The following SGCG variants were observed in gnomAD, a reference collection of about 807,000 sequenced individuals.
SGCG encodes sarcoglycan gamma.
A neutral mutation model predicts 29.3 loss-of-function variants in SGCG; 26 were observed. That is an observed-to-expected ratio of 0.89 (90% confidence interval 0.65 to 1.23). The LOEUF (loss-of-function observed/expected upper bound fraction) is 1.23. Among genes scored for constraint, SGCG ranks in the 50% most tolerant of loss-of-function variants. The pLI, the probability that SGCG is intolerant of heterozygous loss-of-function variation, is 0.00. For synonymous variants in SGCG, 145 were observed against 129.7 expected (o/e 1.12, Z -0.80); for missense variants, 353 against 356.0 (o/e 0.99, Z 0.07).
At chr13:23,287,879 C>A (rs574853528) in intron 5 of SGCG, among the ~76,000 whole-genome samples, 2 of 152,128 alleles carry the variant, frequency 1.3e-5, no homozygotes, top group East Asian at 3.9e-4. Flanking sequence ...CTCATCCTCC[C>A]GAGTAGCTGA....
Position 23,284,003 on chromosome 13 carries a change from G to A in SGCG, c.505+4525G>A, listed in dbSNP as rs184143686. Among the ~76,000 whole-genome samples, 87 of 152,286 alleles carry A rather than the reference G, an allele frequency of 5.7e-4. 1 individual carries two copies. Among genetic ancestry groups the A allele is most frequent in the Non-Finnish European group, 7.6e-4 (52 of 68,014 alleles). On this transcript the variant is annotated intron_variant, in intron 5 of 7. Transcript: ENST00000218867. ...TTAGTCTGATGGGCTTCCCTTTATAGGTAACCCGACCTTTCTCTCTGGCTG... is the reference window on the plus strand; with the variant it reads ...TTAGTCTGATGGGCTTCCCTTTATAAGTAACCCGACCTTTCTCTCTGGCTG...
chr13:23,306,701 C>G (rs1243644582), intron 6 of SGCG, among the ~76,000 whole-genome samples: 1 of 152,060 alleles, frequency 6.6e-6, no homozygotes, highest in African/African-American at 2.4e-5. Context: ...CAATTTATTC[C>G]TTCTGGTAAC....
At chr13:23,224,396 C>G (rs991233534) in intron 2 of SGCG, among the ~76,000 whole-genome samples, 1 of 152,128 alleles carries the variant, frequency 6.6e-6, no homozygotes, top group Non-Finnish European at 1.5e-5. Flanking sequence ...ATGAATGCCT[C>G]CAGATGGGGA....
At chr13:23,244,174 A>C (rs1340592518) in intron 3 of SGCG, 1 of 152,214 alleles carries the variant, frequency 6.6e-6, no homozygotes, top group East Asian at 1.9e-4. Flanking sequence ...ATCTTCTCTA[A>C]AACAACACCA....
chr13:23,208,245 A>G (rs1267125369), intron 2 of SGCG, among the ~76,000 whole-genome samples: 1 of 152,150 alleles, frequency 6.6e-6, no homozygotes, highest in African/African-American at 2.4e-5. Flanking sequence ...TTTTCAAATT[A>G]ACAAAGTTTG....
At chr13:23,259,094 AT>A (rs1156370033) in intron 4 of SGCG, among the ~76,000 whole-genome samples, 1 of 152,108 alleles carries the variant, frequency 6.6e-6, no homozygotes, top group Non-Finnish European at 1.5e-5. Flanking sequence ...TTATCTATTG[AT>A]TGGAATAGTT....
At chr13:23,192,899 T>G (rs931107499) in intron 1 of SGCG, among the ~76,000 whole-genome samples, 9 of 152,208 alleles carry the variant, frequency 5.9e-5, no homozygotes, top group African/African-American at 2.2e-4. Context: ...GACCCTACTT[T>G]AGGTGCCAGT....
Position 23,250,735 on chromosome 13 carries a change from A to AT in SGCG, c.385+19dup. The AT allele has an allele frequency of 6.8e-7, 1 of 1,469,168 alleles. No homozygotes were observed. The highest frequency in any genetic ancestry group is 2.3e-5 in the East Asian group (1 of 44,240). The allele number at this position is 1,469,168 out of a possible 1,614,324, so 91.0% of individuals were successfully genotyped here. A position where few individuals can be genotyped will look rare whatever the true frequency, so the allele number is the denominator to read the frequency against. On this transcript the variant is annotated intron_variant, in intron 4 of 7. Transcript: ENST00000218867. ...AAAAGTCGGTGAGTCCAGCTTCATC[A>AT]TGGTGCTTTGCATGCATGTTGTCCA...
At chr13:23,290,580 T>A (rs1593091703) in intron 5 of SGCG, among the ~76,000 whole-genome samples, 2 of 152,136 alleles carry the variant, frequency 1.3e-5, no homozygotes, top group Admixed American at 6.6e-5. Flanking sequence ...AAAGGCAGGT[T>A]GAAGTGGTTA....
intron 6 of SGCG, 79 bp downstream of exon 6, chr13:23,295,566 A>T: frequency 1.0e-6 from 1 of 952,474 alleles, no homozygotes; most frequent in African/African-American, 1.6e-5. Context: ...GTTAGCAGTG[A>T]CTACTTCCTG....
At chr13:23,188,174 T>C (rs952055333) in intron 1 of SGCG, among the ~76,000 whole-genome samples, 2 of 152,134 alleles carry the variant, frequency 1.3e-5, no homozygotes, top group African/African-American at 2.4e-5. Context: ...AAGTGCAAGA[T>C]ACAATAATTA....
At chr13:23,298,301 A>C (rs1881988356) in intron 6 of SGCG, among the ~76,000 whole-genome samples, 1 of 152,092 alleles carries the variant, frequency 6.6e-6, no homozygotes, top group Non-Finnish European at 1.5e-5. Flanking sequence ...GTTTGCAGTG[A>C]GCCAAGACCA....
At chr13:23,213,015 A>C (rs2137515218) in intron 2 of SGCG, among the ~76,000 whole-genome samples, 1 of 152,298 alleles carries the variant, frequency 6.6e-6, no homozygotes, top group African/African-American at 2.4e-5. Context: ...GGGAAGCAAA[A>C]GGAGTATGCC....
intron 3 of SGCG, among the ~76,000 whole-genome samples, chr13:23,234,962 G>C (rs745757217): frequency 1.3e-5 from 2 of 152,066 alleles, no homozygotes; most frequent in South Asian, 4.2e-4. Flanking sequence ...ATAAACTAAA[G>C]GTTTTAGAAA....
chr13:23,194,414 T>A (rs1020540429), intron 1 of SGCG, among the ~76,000 whole-genome samples: 1 of 152,138 alleles, frequency 6.6e-6, no homozygotes, highest in Admixed American at 6.5e-5. Context: ...TACTAATTTA[T>A]AAAATAAATT....
the SGCG span, among the ~76,000 whole-genome samples, chr13:23,173,216 G>A: frequency 2.0e-5 from 3 of 152,122 alleles, no homozygotes; most frequent in Non-Finnish European, 2.9e-5. Context: ...TCTCCAAAGG[G>A]AAGACTGCAT....
At chr13:23,194,936 C>T (rs1877427050) in intron 1 of SGCG, among the ~76,000 whole-genome samples, 1 of 152,222 alleles carries the variant, frequency 6.6e-6, no homozygotes, top group Admixed American at 6.5e-5. Flanking sequence ...CTGAAGTAGA[C>T]ACAGGGTTGC....
chr13:23,299,444 A>ATTTTTTTTTT (rs1566037511), intron 6 of SGCG, among the ~76,000 whole-genome samples: 2 of 5,632 alleles, frequency 3.6e-4, no homozygotes, highest in Non-Finnish European at 6.7e-4. Flanking sequence ...ATATATATAT[A>ATTTTTTTTTT]TATATATATA....
At chr13:23,228,913 C>A (rs950830464) in intron 2 of SGCG, among the ~76,000 whole-genome samples, 1 of 152,206 alleles carries the variant, frequency 6.6e-6, no homozygotes, top group South Asian at 2.1e-4. Flanking sequence ...CCCTGTCACC[C>A]AGGCTGGAGT....
Sources: allele counts gnomAD v4.1 joint callset (sites outside exome capture counted in the v4.1 genomes callset), GRCh38; gene constraint gnomAD v4.1.1; transcripts MANE v1.5; gene names NCBI Gene and HGNC (gene_info 2026-07-23, HGNC 2026-07-21).